TRIM33: variants seen among roughly 807,000 people sequenced by gnomAD.
TRIM33 encodes the protein tripartite motif containing 33, also known as E3 ubiquitin-protein ligase TRIM33.
A neutral mutation model predicts 125.4 loss-of-function variants in TRIM33; 20 were observed. The observed-to-expected ratio is 0.16, with a 90% CI of 0.11 to 0.23. The LOEUF (loss-of-function observed/expected upper bound fraction) is 0.23. Ranked by LOEUF, TRIM33 falls within the 10% of genes least tolerant of loss-of-function variation. TRIM33 has a pLI of 1.00. For synonymous variants in TRIM33, 564 were observed against 513.9 expected (o/e 1.10, Z -1.32); for missense variants, 920 against 1,411.4 (o/e 0.65, Z 5.58).
intron 1 of TRIM33, among the ~76,000 whole-genome samples, chr1:114,494,908 G>A (rs1652278506): frequency 6.6e-6 from 1 of 151,858 alleles, no homozygotes; most frequent in South Asian, 2.1e-4. Flanking sequence ...CCAGAATAGA[G>A]TAGTTGTTGT....
intron 4 of TRIM33, among the ~76,000 whole-genome samples, chr1:114,436,819 C>A (rs578154494): frequency 6.6e-6 from 1 of 152,098 alleles, no homozygotes; most frequent in East Asian, 1.9e-4. Context: ...TTTGTTCCTT[C>A]GTGAAAGAGC....
chr1:114,442,687 C>CA (rs34847018), intron 4 of TRIM33, among the ~76,000 whole-genome samples: 5,213 of 73,414 alleles, frequency 0.071, 135 homozygotes, highest in South Asian at 0.1. Flanking sequence ...GACTCTGTCT[C>CA]AAAAAAAAAA....
At chr1:114,496,532 A>G (rs1329712294) in intron 1 of TRIM33, among the ~76,000 whole-genome samples, 1 of 152,226 alleles carries the variant, frequency 6.6e-6, no homozygotes, top group Non-Finnish European at 1.5e-5. Flanking sequence ...AGGCATAGTA[A>G]ATAACTTAGG....
chr1:114,413,628 T>TAAAAAAAAAAAAAAAAAAAAAAAAAGA (rs34538412), intron 11 of TRIM33, among the ~76,000 whole-genome samples: 2 of 50,860 alleles, frequency 3.9e-5, no homozygotes, highest in Admixed American at 2.5e-4. Context: ...AGCAAAACTG[T>TAAAAAAAAAAAAAAAAAAAAAAAAAGA]AAAAAAAAAA....
chr1:114,486,546 C>CAA (rs372795084), intron 1 of TRIM33, among the ~76,000 whole-genome samples: 4,612 of 64,896 alleles, frequency 0.071, 147 homozygotes, highest in Non-Finnish European at 0.082. Flanking sequence ...GACCCTATCT[C>CAA]AAAAAAAAAA....
intron 4 of TRIM33, among the ~76,000 whole-genome samples, chr1:114,436,398 C>T (rs1170347173): frequency 5.0e-5 from 4 of 79,570 alleles, no homozygotes; most frequent in Non-Finnish European, 2.2e-5. Context: ...GAGACTCTGT[C>T]TCAAAAAAAA....
At chr1:114,446,772 G>A (rs1572064622) in intron 4 of TRIM33, among the ~76,000 whole-genome samples, 1 of 151,894 alleles carries the variant, frequency 6.6e-6, no homozygotes, top group East Asian at 1.9e-4. Flanking sequence ...ACAGAGAAAG[G>A]AGCCTGGCAT....
rs530554514 is a variant in TRIM33, at chr1:114,403,589, A to G, written c.2769-706T>C. Reference sequence around the variant, plus strand: ...TTCACTGGGTCCTCCAGGCTGGAGTACACAGTGGCACGATCCTGGCTCACT... The same window carrying G: ...TTCACTGGGTCCTCCAGGCTGGAGTGCACAGTGGCACGATCCTGGCTCACT... On this transcript the variant is annotated intron_variant, in intron 15 of 19. Transcript: ENST00000358465. 2.0e-5 allele frequency among the ~76,000 whole-genome samples: 3 copies of G among 151,944 alleles called. No homozygotes were observed. In the South Asian group the frequency reaches 6.2e-4, roughly 32 times the overall value.
chr1:114,399,929 G>GCTA (rs1651769016), intron 17 of TRIM33, among the ~76,000 whole-genome samples: 1 of 151,578 alleles, frequency 6.6e-6, no homozygotes, highest in Admixed American at 6.6e-5. Flanking sequence ...GACTCCTTAG[G>GCTA]AGTTTTTCTT....
chr1:114,415,461 A>G (rs1652877207), intron 11 of TRIM33, among the ~76,000 whole-genome samples: 1 of 152,184 alleles, frequency 6.6e-6, no homozygotes, highest in African/African-American at 2.4e-5. Flanking sequence ...CCTATCTGGA[A>G]TATCTGCCTT....
At chr1:114,463,648 C>A (rs1043580714) in intron 2 of TRIM33, 92 bp from the exon 3 acceptor site, 29 of 759,220 alleles carry the variant, frequency 3.8e-5, no homozygotes, top group Middle Eastern at 3.2e-4. Flanking sequence ...TACTATTTCA[C>A]TGTACACAGA....
chr1:114,467,929 G>C lies in TRIM33; in HGVS notation c.527-3541C>G, dbSNP rs546488642. On this transcript the variant is annotated intron_variant, in intron 1 of 19. Coordinates refer to ENST00000358465, the MANE Select transcript of TRIM33 (RefSeq NM_015906.4). ...AATTACAGATATATTTTCAGATAGA[G>C]AGGGGAGTTGAGAGAATTTATACCT... 8.5e-5 allele frequency among the ~76,000 whole-genome samples: 13 copies of C among 152,172 alleles called. No homozygotes were observed. The South Asian group carries it at 1.9e-3, about 22-fold the overall frequency.
intron 1 of TRIM33, among the ~76,000 whole-genome samples, chr1:114,472,836 A>G (rs1650733246): frequency 1.3e-5 from 2 of 152,332 alleles, no homozygotes; most frequent in African/African-American, 4.8e-5. Flanking sequence ...TAAACTGTTA[A>G]AAGTCAAAGA....
In TRIM33 at chr1:114,465,295, C is replaced by T. The variant is rs548792222; in HGVS notation, c.527-907G>A. ...CAGAGTCAACACAACAAACTGACTA[C>T]ATGTCAGCCATGAAATAGAGGATAC... On this transcript the variant is annotated intron_variant, in intron 1 of 19. Coordinates refer to ENST00000358465, the MANE Select transcript of TRIM33 (RefSeq NM_015906.4). Among the ~76,000 whole-genome samples, 4 of 152,278 alleles carry T rather than the reference C, an allele frequency of 2.6e-5. No individual in the cohort carries two copies. In the East Asian group the frequency reaches 7.7e-4, roughly 29 times the overall value.
At position 114,421,514 on chromosome 1, in the gene TRIM33, A is replaced by G. The variant is rs930802663; in HGVS notation, c.1983T>C (p.Ser661=). 4 of 1,614,066 alleles carry G rather than the reference A, an allele frequency of 2.5e-6. No individual in the cohort carries two copies. In the African/African-American group the frequency reaches 4.0e-5, roughly 16 times the overall value. ...AGGGGATTAGCTCTATTGCTGTAAC[A>G]GATGGGCTGGTGGGACCTCGGTTTG... ...ANANRGPTSP[S]VTAIELIPSV... is the part of the protein sequence containing the mutation. The change falls in exon 11 of 20, where the codon TCT becomes TCC. Residue 661 remains serine, a synonymous_variant. Coordinates refer to ENST00000358465, the MANE Select transcript of TRIM33 (RefSeq NM_015906.4).
At chr1:114,418,447 A>G (rs1653070164) in intron 11 of TRIM33, among the ~76,000 whole-genome samples, 1 of 152,194 alleles carries the variant, frequency 6.6e-6, no homozygotes, top group Admixed American at 6.5e-5. Context: ...TCATGCTGAT[A>G]TTAATTATTC....
At chr1:114,469,018 T>C in intron 1 of TRIM33, 1 of 232,268 alleles carries the variant, frequency 4.3e-6, no homozygotes, top group Non-Finnish European at 8.7e-6. Flanking sequence ...TGCATTTTTG[T>C]TGGCTGAACT....
rs764452768 is a variant in TRIM33 at position 114,425,569 on chromosome 1, T to G, written c.1575A>C (p.Ala525=). 1.9e-6 allele frequency: 3 copies of G among 1,614,160 alleles called. No homozygotes were observed. The highest frequency in any genetic ancestry group is 4.5e-5 in the East Asian group (2 of 44,878). ...RLQHMQQQVY[A]QKHQQLQQMR... ...TCTGTTGCAACTGCTGATGTTTCTG[T>G]GCATATACTTGTTGTTGCATGTGCT... Residue 525 remains alanine (A), a synonymous_variant, in exon 9 of 20, where the codon GCA becomes GCC. Coordinates refer to ENST00000358465, the MANE Select transcript of TRIM33 (RefSeq NM_015906.4).
At chr1:114,398,066 T>G in intron 18 of TRIM33, 76 bp from the exon 19 acceptor site, 1 of 1,518,258 alleles carries the variant, frequency 6.6e-7, no homozygotes, top group Non-Finnish European at 8.9e-7. Flanking sequence ...TGCATAGGAT[T>G]GGCGACGAAA....
Sources: gnomAD v4.1 joint callset for allele counts (sites outside exome capture counted in the v4.1 genomes callset) on GRCh38, gnomAD v4.1.1 for gene constraint, MANE v1.5 for transcripts, NCBI Gene and HGNC (gene_info 2026-07-23, HGNC 2026-07-21) for gene names.